EBF4: variants seen among roughly 807,000 people sequenced by gnomAD.
EBF4 encodes the protein transcription factor COE4.
EBF4 carries 34 observed loss-of-function variants against 67.1 expected under a neutral mutation model. The observed-to-expected ratio is 0.51, with a 90% CI of 0.39 to 0.67. EBF4 has a LOEUF of 0.67. Ranked by LOEUF, EBF4 falls within the 30% of genes least tolerant of loss-of-function variation. EBF4 has a pLI of 0.00. For synonymous variants in EBF4, 387 were observed against 377.7 expected, an observed-to-expected ratio of 1.02 and a Z score of -0.29; for missense variants, 837 against 873.3, an observed-to-expected ratio of 0.96 and a Z score of 0.52.
At position 2,706,374 on chromosome 20, in the gene EBF4, C is replaced by A. The variant is rs920130818; in HGVS notation, c.414+110C>A. 32 of 1,290,902 alleles carry A rather than the reference C, an allele frequency of 2.5e-5. No individual in the cohort carries two copies. In the East Asian group the frequency reaches 7.6e-4, roughly 30 times the overall value. The allele number at this position is 1,290,902 out of a possible 1,614,324, so 80.0% of individuals were successfully genotyped here. A position where few individuals can be genotyped will look rare whatever the true frequency, so the allele number is the denominator to read the frequency against. The stretch of plus-strand genomic sequence containing the variant: ...CCTGCCCTCATCTCCCTATGCCCTC[C>A]GTCCCCATCAGCCTAGCTCCCCCAG... On this transcript the variant is annotated intron_variant, in intron 4 of 16. Coordinates refer to ENST00000609451, the Ensembl canonical transcript of EBF4.
intron 6 of EBF4, among the ~76,000 whole-genome samples, chr20:2,740,050 C>T (rs577786961): frequency 3.3e-5 from 5 of 152,364 alleles, no homozygotes; most frequent in African/African-American, 1.2e-4. Flanking sequence ...CAGTGGCCCA[C>T]GCCTGTAATT....
Position 2,755,618 on chromosome 20 carries a change from G to T in EBF4, c.1541-9G>T. On this transcript the variant is annotated splice_polypyrimidine_tract_variant and intron_variant, in intron 14 of 16. Transcript: ENST00000609451. The surrounding 1 kb of genome is among the most constrained non-coding windows in gnomAD (Gnocchi z 4.7). The stretch of plus-strand genomic sequence containing the variant: ...TGCTGCGCCTGCCCCTCCCCGCCCC[G>T]CCCCGGAGTCATGCCCTCTAGCCCC... The T allele has an allele frequency of 2.1e-6, 1 of 486,262 alleles. No individual in the cohort carries two copies. Among genetic ancestry groups the T allele is most frequent in the African/African-American group, 4.0e-5 (1 of 25,140 alleles). 30.1% of individuals were successfully genotyped at this position (486,262 alleles called of 1,614,324 possible).
exon 13 of EBF4, chr20:2,752,198 G>A: frequency 1.4e-6 from 2 of 1,422,656 alleles, no homozygotes; most frequent in South Asian, 1.4e-5. Flanking sequence ...GCCGTCGTGG[G>A]CATCAACGCC....
In EBF4 at chr20:2,742,629, A is replaced by G. The variant is rs574706705; in HGVS notation, c.558-5920A>G. On this transcript the variant is annotated intron_variant, in intron 6 of 16. Transcript: ENST00000609451. ...ACTGGGCACTGGTCCTGCAGTGGTC[A>G]CCCTCCATGGGGATCCTCAGGTCAG... Among the ~76,000 whole-genome samples, 267 of 151,956 alleles carry G rather than the reference A, an allele frequency of 1.8e-3. 4 individuals carry two copies. In the South Asian group the frequency reaches 0.025, roughly 14 times the overall value.
At chr20:2,703,962 C>A (rs971825390) in intron 1 of EBF4, among the ~76,000 whole-genome samples, 4 of 152,244 alleles carry the variant, frequency 2.6e-5, no homozygotes, top group Admixed American at 2.6e-4. Flanking sequence ...GGCAGGAGGC[C>A]TCAGTTATTC....
chr20:2,700,902 C>T (rs1021052702), intron 1 of EBF4, among the ~76,000 whole-genome samples: 1 of 152,342 alleles, frequency 6.6e-6, no homozygotes. Flanking sequence ...TGCTGTTCCT[C>T]GTGTCCTTCT....
chr20:2,693,165 G>C (rs1283171728), upstream of EBF4: 2 of 156,506 alleles, frequency 1.3e-5, no homozygotes, highest in Non-Finnish European at 2.8e-5. The surrounding 1 kb of genome is among the most constrained non-coding windows in gnomAD (Gnocchi z 4.6). Context: ...AGCGCCCCGC[G>C]CTGGCGCCGC....
intron 6 of EBF4, among the ~76,000 whole-genome samples, chr20:2,729,570 T>C (rs549912129): frequency 1.8e-4 from 28 of 152,118 alleles, no homozygotes; most frequent in Admixed American, 1.5e-3. Context: ...CCCATTGAGA[T>C]GGGGGGAGCT....
intron 1 of EBF4, among the ~76,000 whole-genome samples, chr20:2,695,366 TGTG>T (rs2087273753): frequency 6.6e-6 from 1 of 152,010 alleles, no homozygotes; most frequent in African/African-American, 2.4e-5. Flanking sequence ...GTTCAAGAAG[TGTG>T]GGGATAAGGC....
upstream of EBF4, chr20:2,693,103 G>A (rs1357027148): frequency 6.3e-6 from 1 of 157,504 alleles, no homozygotes; most frequent in Admixed American, 6.6e-5. The surrounding 1 kb of genome is among the most constrained non-coding windows in gnomAD (Gnocchi z 4.6). Context: ...CGCCACTGTC[G>A]CCGCCGCCGC....
At chr20:2,699,431 C>T (rs1377505176) in intron 1 of EBF4, among the ~76,000 whole-genome samples, 2 of 152,128 alleles carry the variant, frequency 1.3e-5, no homozygotes, top group African/African-American at 4.8e-5. Flanking sequence ...AATTTTCGGT[C>T]TATTTAAGAA....
chr20:2,716,220 TAA>T (rs35206416), intron 6 of EBF4, among the ~76,000 whole-genome samples: 3,307 of 118,140 alleles, frequency 0.028, 78 homozygotes, highest in Middle Eastern at 0.075. Flanking sequence ...GACCCTGTCT[TAA>T]AAAAAAAAAA....
intron 6 of EBF4, among the ~76,000 whole-genome samples, chr20:2,710,631 CT>C (rs1177497245): frequency 6.6e-6 from 1 of 151,656 alleles, no homozygotes; most frequent in Non-Finnish European, 1.5e-5. Flanking sequence ...TCTTATTCTC[CT>C]TTTAATAGAA....
intron 15 of EBF4, among the ~76,000 whole-genome samples, chr20:2,757,428 A>G (rs979626232): frequency 7.0e-6 from 1 of 142,714 alleles, no homozygotes; most frequent in African/African-American, 2.6e-5. Context: ...TGTGATGGTG[A>G]CTCAAACAAT....
intron 15 of EBF4, among the ~76,000 whole-genome samples, chr20:2,757,041 G>A (rs990564055): frequency 6.6e-6 from 1 of 152,208 alleles, no homozygotes; most frequent in African/African-American, 2.4e-5. Flanking sequence ...ATCAGGCTGG[G>A]ATGCCTATCA....
chr20:2,752,219 C>A lies in EBF4; in HGVS notation c.1307C>A (p.Pro436Gln), dbSNP rs1449388146. ...GTGGGCATCAACGCCTTCAGCAGCC[C>A]GCTGGCCATCGCCGTCGGGGACGCC... The change falls in exon 13 of 17, where the codon CCG becomes CAG. Residue 436 changes from proline to glutamine, a missense_variant. Physicochemically the swap from Pro to Gln is moderately conservative, Grantham distance 76 (BLOSUM62 -1). Around this residue, in one of 3 missense-constraint regions of EBF4, gnomAD observed 525 missense variants for 496.5 expected, o/e 1.06. Coordinates refer to ENST00000609451, the Ensembl canonical transcript of EBF4. 2.2e-6 allele frequency: 3 copies of A among 1,359,514 alleles called. No individual in the cohort carries two copies. The highest frequency in any genetic ancestry group is 2.9e-5 in the Admixed American group (1 of 34,044). 84.2% of individuals were successfully genotyped at this position (1,359,514 alleles called of 1,614,324 possible).
In EBF4 at chr20:2,745,065, A is replaced by G. The variant is rs1043461692; in HGVS notation, c.558-3484A>G. Reference sequence around the variant, plus strand: ...GGGGCTGGTGGCTATAGTAATGGGTAGCGCAGCTCCAGTGCGGTAGTTCTC... The same window carrying G: ...GGGGCTGGTGGCTATAGTAATGGGTGGCGCAGCTCCAGTGCGGTAGTTCTC... On this transcript the variant is annotated intron_variant, in intron 6 of 16. Transcript: ENST00000609451. The surrounding 1 kb of genome is among the most constrained non-coding windows in gnomAD (Gnocchi z 5.2). 1.3e-5 allele frequency among the ~76,000 whole-genome samples: 2 copies of G among 152,202 alleles called. No homozygotes were observed. The highest frequency in any genetic ancestry group is 2.1e-4 in the South Asian group (1 of 4,830).
chr20:2,723,643 C>T (rs1194758304), intron 6 of EBF4, among the ~76,000 whole-genome samples: 3 of 152,212 alleles, frequency 2.0e-5, no homozygotes, highest in Non-Finnish European at 2.9e-5. Context: ...GCCACCGCGC[C>T]CGGCCAGATG....
Position 2,751,355 on chromosome 20 carries a change from T to G in EBF4, c.1019-345T>G, listed in dbSNP as rs956597804. 1.3e-5 allele frequency among the ~76,000 whole-genome samples: 2 copies of G among 152,222 alleles called. No individual in the cohort carries two copies. Among genetic ancestry groups the G allele is most frequent in the Admixed American group, 6.5e-5 (1 of 15,284 alleles). On this transcript the variant is annotated intron_variant, in intron 10 of 16. Transcript: ENST00000609451. This position sits in a 1 kb window ranked among gnomAD's most constrained non-coding sequence, Gnocchi z 5.2. ...TTGACCAGATGAAAAGAGAAAACTC[T>G]CCATCGAGTCCTGCCCTTAGGACTA...
Sources: allele counts gnomAD v4.1 joint callset (sites outside exome capture counted in the v4.1 genomes callset), GRCh38; gene constraint gnomAD v4.1.1; regional missense constraint gnomAD v4.1.1; non-coding constraint Gnocchi (gnomAD v3.1); transcripts MANE v1.5; gene names NCBI Gene and HGNC (gene_info 2026-07-23, HGNC 2026-07-21).